Variants in CTNNBL1 observed in about 807,000 individuals in gnomAD.
The protein encoded by CTNNBL1 is beta-catenin-like protein 1.
Under a neutral mutation model 72.7 loss-of-function variants are expected in CTNNBL1, and 31 were observed. The observed-to-expected ratio is 0.43, with a 90% confidence interval of 0.32 to 0.58. CTNNBL1 has a LOEUF of 0.58. CTNNBL1 is among the 20% of genes least tolerant of loss of function. CTNNBL1 has a pLI of 0.08. For synonymous variants in CTNNBL1, 240 were observed against 267.3 expected, an observed-to-expected ratio of 0.90 and a Z score of 1.00; for missense variants, 534 against 725.1, an observed-to-expected ratio of 0.74 and a Z score of 3.03.
intron 7 of CTNNBL1, among the ~76,000 whole-genome samples, chr20:37,773,812 T>C (rs2073547029): frequency 1.3e-5 from 2 of 152,130 alleles, no homozygotes; most frequent in African/African-American, 4.8e-5. Context: ...TCATCTGATA[T>C]GAGTTTCATG....
intron 12 of CTNNBL1, 81 bp from the exon 13 acceptor site, chr20:37,842,258 T>G: frequency 6.1e-5 from 58 of 953,166 alleles, no homozygotes; most frequent in Non-Finnish European, 8.6e-5. Context: ...GGAGCGACAG[T>G]GAGATGAATA....
At chr20:37,781,256 T>C (rs1407830195) in intron 10 of CTNNBL1, among the ~76,000 whole-genome samples, 1 of 152,196 alleles carries the variant, frequency 6.6e-6, no homozygotes, top group Non-Finnish European at 1.5e-5. Flanking sequence ...TCTTGGATCT[T>C]CTAACCTTAA....
At chr20:37,775,310 T>C (rs1422438916) in intron 7 of CTNNBL1, among the ~76,000 whole-genome samples, 1 of 152,254 alleles carries the variant, frequency 6.6e-6, no homozygotes, top group African/African-American at 2.4e-5. Flanking sequence ...ACCATCATTC[T>C]GATTTCACAT....
At chr20:37,803,609 CT>C (rs1328146343) in intron 11 of CTNNBL1, among the ~76,000 whole-genome samples, 1 of 152,332 alleles carries the variant, frequency 6.6e-6, no homozygotes, top group African/African-American at 2.4e-5. Flanking sequence ...TAGTGGCCTG[CT>C]GCAGCCCTCT....
intron 7 of CTNNBL1, 118 bp from the exon 8 acceptor site, chr20:37,777,227 T>C (rs1303909874): frequency 3.8e-6 from 3 of 789,858 alleles, no homozygotes; most frequent in Non-Finnish European, 6.5e-6. Flanking sequence ...TTAACTGCCT[T>C]TTCCTTTTCT....
chr20:37,813,130 T>A (rs1705470015), intron 11 of CTNNBL1, among the ~76,000 whole-genome samples: 1 of 152,240 alleles, frequency 6.6e-6, no homozygotes, highest in Non-Finnish European at 1.5e-5. Context: ...AGTTTCTGAT[T>A]CCAGCAGTCT....
At chr20:37,871,084 C>G (rs998785871) in intron 15 of CTNNBL1, among the ~76,000 whole-genome samples, 4 of 152,214 alleles carry the variant, frequency 2.6e-5, no homozygotes, top group African/African-American at 7.2e-5. Context: ...AAAAAAGGTT[C>G]TCAAACTGGA....
intron 1 of CTNNBL1, among the ~76,000 whole-genome samples, chr20:37,728,811 A>G (rs945821441): frequency 6.6e-6 from 1 of 152,214 alleles, no homozygotes; most frequent in Admixed American, 6.5e-5. Flanking sequence ...TAGAGTCATC[A>G]TGAGGAGCTA....
intron 2 of CTNNBL1, 73 bp from the exon 3 acceptor site, chr20:37,737,305 C>T (rs1224667945): frequency 3.0e-6 from 3 of 1,016,494 alleles, no homozygotes; most frequent in Non-Finnish European, 4.6e-6. Flanking sequence ...GGTATAAGAG[C>T]CACAGGAAAG....
At chr20:37,850,442 A>G (rs1201769835) in intron 13 of CTNNBL1, among the ~76,000 whole-genome samples, 1 of 152,160 alleles carries the variant, frequency 6.6e-6, no homozygotes, top group Non-Finnish European at 1.5e-5. Flanking sequence ...CTGAAGATTA[A>G]TGAGATTGTT....
chr20:37,855,465 A>G (rs2072431602), intron 13 of CTNNBL1, among the ~76,000 whole-genome samples: 1 of 152,192 alleles, frequency 6.6e-6, no homozygotes, highest in Admixed American at 6.5e-5. Context: ...AATTATGTAG[A>G]CTGTTTTATC....
At chr20:37,740,594 A>C (rs887929683) in intron 3 of CTNNBL1, among the ~76,000 whole-genome samples, 1 of 152,190 alleles carries the variant, frequency 6.6e-6, no homozygotes, top group African/African-American at 2.4e-5. Context: ...AGAATTACTT[A>C]GTTTACTGAT....
In CTNNBL1 at chr20:37,842,719, A is replaced by G. The variant is rs117153133; in HGVS notation, c.1392+300A>G. On this transcript the variant is annotated intron_variant, in intron 13 of 15. Coordinates refer to ENST00000361383, the MANE Select transcript of CTNNBL1 (RefSeq NM_030877.5). ...AATCTGGCCAAAGTACAAGGCTGTG[A>G]CCTGGTACCATGTTGGCAGAGCATG... Among the ~76,000 whole-genome samples, 67 of 152,302 alleles carry G rather than the reference A, an allele frequency of 4.4e-4. No homozygotes were observed. The East Asian group carries it at 0.012, about 28-fold the overall frequency.
At position 37,736,599 on chromosome 20, in the gene CTNNBL1, G is replaced by A. The variant is rs553248322; in HGVS notation, c.220-779G>A. Among the ~76,000 whole-genome samples, 54 of 151,966 alleles carry A rather than the reference G, an allele frequency of 3.6e-4. No homozygotes were observed. The East Asian group carries it at 6.8e-3, about 19-fold the overall frequency. ...TCTCTCACCCAGGCCGGAGTGCAGC[G>A]GCACAGTCTCGGCTCACTGCAACCT... is the stretch of plus-strand genomic sequence containing the variant. On this transcript the variant is annotated intron_variant, in intron 2 of 15. Coordinates refer to ENST00000361383, the MANE Select transcript of CTNNBL1 (RefSeq NM_030877.5).
At chr20:37,792,239 T>C (rs1271513924) in intron 10 of CTNNBL1, among the ~76,000 whole-genome samples, 1 of 152,180 alleles carries the variant, frequency 6.6e-6, no homozygotes, top group African/African-American at 2.4e-5. Flanking sequence ...TCTCAAAATA[T>C]CAGTTTTTGT....
chr20:37,852,750 C>T (rs188332771), intron 13 of CTNNBL1, among the ~76,000 whole-genome samples: 3 of 152,262 alleles, frequency 2.0e-5, no homozygotes, highest in East Asian at 1.9e-4. Flanking sequence ...CTCGGCTTCA[C>T]GACGGTTTTT....
chr20:37,747,706 G>A lies in CTNNBL1; in HGVS notation c.466+1099G>A, dbSNP rs139469229. 8.5e-4 allele frequency among the ~76,000 whole-genome samples: 130 copies of A among 152,198 alleles called. No individual in the cohort carries two copies. In the South Asian group the frequency reaches 0.013, roughly 15 times the overall value. On this transcript the variant is annotated intron_variant, in intron 4 of 15. Transcript: ENST00000361383. Reference sequence around the variant, plus strand: ...TGATCCTACTCCTTAGCCTCCTGAGGAGGGACTACAGGTGCATACCACCAT... The same window carrying A: ...TGATCCTACTCCTTAGCCTCCTGAGAAGGGACTACAGGTGCATACCACCAT...
intron 11 of CTNNBL1, among the ~76,000 whole-genome samples, chr20:37,812,931 C>T (rs1005534899): frequency 2.0e-5 from 3 of 151,274 alleles, no homozygotes; most frequent in Non-Finnish European, 2.9e-5. Flanking sequence ...TAGAAACAGC[C>T]CCCCCCAGGA....
intron 3 of CTNNBL1, among the ~76,000 whole-genome samples, chr20:37,738,375 A>C (rs900478720): frequency 6.6e-6 from 1 of 152,240 alleles, no homozygotes; most frequent in African/African-American, 2.4e-5. Context: ...CCATGAGATG[A>C]TAGTTAACGT....
Sources: allele counts gnomAD v4.1 joint callset (sites outside exome capture counted in the v4.1 genomes callset), GRCh38; gene constraint gnomAD v4.1.1; transcripts MANE v1.5; gene names NCBI Gene and HGNC (gene_info 2026-07-23, HGNC 2026-07-21).